FMO3: variants seen among roughly 807,000 people sequenced by gnomAD.
The protein encoded by FMO3 is flavin-containing monooxygenase 3.
In FMO3, 40 loss-of-function variants were observed where a neutral mutation model predicts 39.4. The observed-to-expected ratio is 1.02, with a 90% CI of 0.79 to 1.32. FMO3 has a LOEUF of 1.32. FMO3 is among the 40% of genes most tolerant of loss of function. The pLI, the probability that FMO3 is intolerant of heterozygous loss-of-function variation, is 0.00. For missense variants in FMO3, 680 were observed against 651.8 expected (o/e 1.04, Z -0.47); for synonymous variants, 219 against 228.8 (o/e 0.96, Z 0.39).
chr1:171,091,665 T>G (rs1440982222), intron 1 of FMO3, among the ~76,000 whole-genome samples: 1 of 150,984 alleles, frequency 6.6e-6, no homozygotes, highest in Non-Finnish European at 1.5e-5. Flanking sequence ...CATAGCTCAC[T>G]GCAGCCTCAA....
At chr1:171,091,874 A>C (rs1277317115) in intron 1 of FMO3, among the ~76,000 whole-genome samples, 2 of 151,514 alleles carry the variant, frequency 1.3e-5, no homozygotes, top group Non-Finnish European at 2.9e-5. Flanking sequence ...TATCTAAGTA[A>C]AAAGAAGATA....
Position 171,110,856 on chromosome 1 carries a change from A to T in FMO3, c.686A>T (p.Tyr229Phe). The T allele has an allele frequency of 1.2e-6, 2 of 1,614,038 alleles. No individual in the cohort carries two copies. The highest frequency in any genetic ancestry group is 1.7e-4 in the Middle Eastern group (1 of 6,058). Residue 229 changes from tyrosine to phenylalanine, a missense_variant, in exon 6 of 9, where the codon TAT becomes TTT. Coordinates refer to ENST00000367755, the MANE Select transcript of FMO3 (RefSeq NM_001002294.3). ...WVMSRVWDNG[Y>F]PWDMLLVTRF... ...ATGAGCCGGGTCTGGGACAATGGTT[A>T]TCCTTGGGACATGCTGCTCGTCACT...
intron 2 of FMO3, among the ~76,000 whole-genome samples, chr1:171,096,785 A>AAATAT (rs1655111250): frequency 1.4e-5 from 2 of 138,130 alleles, no homozygotes; most frequent in Admixed American, 8.1e-5. Flanking sequence ...AATTATATTA[A>AAATAT]AAATATATAT....
intron 2 of FMO3, among the ~76,000 whole-genome samples, chr1:171,102,837 AT>A (rs566619258): frequency 2.2e-4 from 33 of 152,300 alleles, no homozygotes; most frequent in African/African-American, 6.0e-4. Context: ...TAGTTCTATA[AT>A]TCCTTAGAGT....
intron 7 of FMO3, 38 bp from the exon 8 acceptor site, chr1:171,116,170 A>C (rs760156586): frequency 7.9e-7 from 1 of 1,266,256 alleles, no homozygotes; most frequent in Non-Finnish European, 1.1e-6. Context: ...CCTATGCCAG[A>C]CTCATTAATT....
In FMO3 at chr1:171,096,217, T is replaced by G. The variant is rs190527685; in HGVS notation, c.132+3427T>G. 7.0e-4 allele frequency among the ~76,000 whole-genome samples: 48 copies of G among 68,422 alleles called. 1 individual carries two copies. Among genetic ancestry groups the G allele is most frequent in the African/African-American group, 4.3e-3 (48 of 11,234 alleles). 44.9% of individuals were successfully genotyped at this position (68,422 alleles called of 152,430 possible). ...TATTTATATCAATATAATATTTATA[T>G]ATAAATACATAAAATATATTATTTC... is the stretch of plus-strand genomic sequence containing the variant. On this transcript the variant is annotated intron_variant, in intron 2 of 8. Transcript: ENST00000367755.
chr1:171,117,484 C>A lies in FMO3; in HGVS notation c.*42C>A, dbSNP rs1408348573. ...GATTTCTGAAAGTTACTGACAATAC[C>A]CAGACAGGGGCTTTGCTATTTAAAA... On this transcript the variant is annotated 3_prime_UTR_variant, in exon 9 of 9. Coordinates refer to ENST00000367755, the MANE Select transcript of FMO3 (RefSeq NM_001002294.3). The A allele has an allele frequency of 6.6e-7, 1 of 1,516,648 alleles. No individual in the cohort carries two copies. The allele number at this position is 1,516,648 out of a possible 1,614,324, so 93.9% of individuals were successfully genotyped here. A position where few individuals can be genotyped will look rare whatever the true frequency, so the allele number is the denominator to read the frequency against.
At chr1:171,100,214 G>A (rs1557937006) in intron 2 of FMO3, 1 of 152,196 alleles carries the variant, frequency 6.6e-6, no homozygotes, top group Non-Finnish European at 1.5e-5. Flanking sequence ...CAGCTAATTT[G>A]TCTTTTCTTG....
rs3832024 is a variant in FMO3, at chr1:171,108,182, CTG to C, written c.591_592del (p.Cys197Ter). 120 of 1,613,886 alleles carry C rather than the reference CTG, an allele frequency of 7.4e-5. No individual in the cohort carries two copies. The East Asian group carries it at 2.5e-3, about 34-fold the overall frequency. ...TGGTGGTTGGCCTGGGGAATTCGGG[CTG>C]TGATATTGCCACAGAACTCAGCCGC... is the stretch of plus-strand genomic sequence containing the variant. Reference protein sequence around the residue: ...VLVVGLGNSGCDIATELSRTA... With the variant: ...VLVVGLGNSGXDIATELSRTA... On this transcript the variant is annotated frameshift_variant, in exon 5 of 9. Transcript: ENST00000367755. LOFTEE classifies it high-confidence loss of function.
At chr1:171,115,838 A>G (rs1402922503) in intron 7 of FMO3, among the ~76,000 whole-genome samples, 1 of 152,068 alleles carries the variant, frequency 6.6e-6, no homozygotes, top group Non-Finnish European at 1.5e-5. Flanking sequence ...TGGAAATTCC[A>G]TTTTCTGGCA....
intron 6 of FMO3, 132 bp downstream of exon 6, chr1:171,111,129 AC>A: frequency 1.3e-6 from 1 of 758,246 alleles, no homozygotes; most frequent in South Asian, 1.5e-5. Flanking sequence ...AAAGAACTGC[AC>A]AAATTAAGAG....
intron 3 of FMO3, 113 bp downstream of exon 3, chr1:171,104,086 AAC>A (rs775727776): frequency 2.9e-4 from 237 of 819,904 alleles, no homozygotes; most frequent in Non-Finnish European, 4.1e-4. Flanking sequence ...CAACATTTTT[AAC>A]AGTGTGGCCT....
In FMO3 at chr1:171,107,565, A is replaced by G. The variant is rs1655699406; in HGVS notation, c.322-110A>G. On this transcript the variant is annotated intron_variant, in intron 3 of 8. Transcript: ENST00000367755. ...AGGGAATTTTAAATTTGTAATATGT[A>G]TCTTAATCATTAAATATTTTTCTTA... The G allele has an allele frequency of 1.5e-5, 12 of 791,464 alleles. No individual in the cohort carries two copies. In the East Asian group the frequency reaches 1.6e-4, roughly 11 times the overall value. The allele number at this position is 791,464 out of a possible 1,614,324, so 49.0% of individuals were successfully genotyped here.
intron 3 of FMO3, among the ~76,000 whole-genome samples, chr1:171,105,494 C>T (rs746196621): frequency 1.3e-5 from 2 of 152,132 alleles, no homozygotes; most frequent in Non-Finnish European, 2.9e-5. Flanking sequence ...AACTAGTTTA[C>T]GGTCCCACCA....
intron 6 of FMO3, 96 bp from the exon 7 acceptor site, chr1:171,113,911 T>G (rs986250234): frequency 3.5e-6 from 3 of 867,026 alleles, no homozygotes; most frequent in East Asian, 2.7e-5. Context: ...AAAAAAATCT[T>G]GGGTCATTTT....
At position 171,108,465 on chromosome 1, in the gene FMO3, C is replaced by T. The variant is rs28363551; in HGVS notation, c.627+244C>T. ...ATCTCCTTCTTCAAGACATTTGATG[C>T]CTAATATCTCGGATCAATTTCTCTA... On this transcript the variant is annotated intron_variant, in intron 5 of 8. Transcript: ENST00000367755. 7.2e-3 allele frequency among the ~76,000 whole-genome samples: 1,093 copies of T among 152,164 alleles called. 10 individuals carry two copies. Among genetic ancestry groups the T allele is most frequent in the African/African-American group, 0.025 (1,053 of 41,512 alleles).
chr1:171,092,907 T>C, intron 2 of FMO3, 117 bp downstream of exon 2: 1 of 1,128,662 alleles, frequency 8.9e-7, no homozygotes, highest in Non-Finnish European at 1.3e-6. Flanking sequence ...TCTGTTAGAA[T>C]TGGAATCCAC....
chr1:171,098,559 A>G (rs899235146), intron 2 of FMO3, among the ~76,000 whole-genome samples: 3 of 152,114 alleles, frequency 2.0e-5, no homozygotes, highest in Admixed American at 2.0e-4. Flanking sequence ...GCAATTGTGA[A>G]TGGGAGTTCA....
chr1:171,109,066 G>A (rs945823996), intron 5 of FMO3, among the ~76,000 whole-genome samples: 12 of 152,166 alleles, frequency 7.9e-5, no homozygotes, highest in Admixed American at 5.2e-4. Flanking sequence ...CTAACAATTT[G>A]TATGATGCAT....
Sources: allele counts gnomAD v4.1 joint callset (sites outside exome capture counted in the v4.1 genomes callset), GRCh38; gene constraint gnomAD v4.1.1; transcripts MANE v1.5; gene names NCBI Gene and HGNC (gene_info 2026-07-23, HGNC 2026-07-21).